KCND2: variants seen among roughly 807,000 people sequenced by gnomAD.
The protein encoded by KCND2 is potassium voltage-gated channel subfamily D member 2, also known as A-type voltage-gated potassium channel KCND2.
A neutral mutation model predicts 54.4 loss-of-function variants in KCND2; 16 were observed. The ratio of observed to expected loss-of-function variants is 0.29; its 90% CI spans 0.20 to 0.45. The LOEUF is 0.45. KCND2 is among the 20% of genes least tolerant of loss of function. KCND2 has a pLI of 1.00. For synonymous variants in KCND2, 317 were observed against 310.7 expected, an observed-to-expected ratio of 1.02 and a Z score of -0.21; for missense variants, 486 against 824.2, an observed-to-expected ratio of 0.59 and a Z score of 5.02.
intron 1 of KCND2, among the ~76,000 whole-genome samples, chr7:120,355,208 C>T (rs1421269149): frequency 6.6e-6 from 1 of 152,106 alleles, no homozygotes. Flanking sequence ...ATTGTAATTA[C>T]CCAGCCAGTG....
chr7:120,545,659 C>G (rs573686458), intron 1 of KCND2, among the ~76,000 whole-genome samples: 5 of 151,634 alleles, frequency 3.3e-5, no homozygotes, highest in Non-Finnish European at 7.4e-5. Context: ...CTGTGTATCT[C>G]TTGTTGCAGA....
At position 120,719,035 on chromosome 7, in the gene KCND2, A is replaced by G. The variant is rs188801700; in HGVS notation, c.1116-13868A>G. On this transcript the variant is annotated intron_variant, in intron 1 of 5. Coordinates refer to ENST00000331113, the MANE Select transcript of KCND2 (RefSeq NM_012281.3). The stretch of plus-strand genomic sequence containing the variant: ...GTGTTCAATTTGTGATCAGCATCAA[A>G]GTTTCCAACTCCCTATAGAAACTAG... 3.9e-4 allele frequency among the ~76,000 whole-genome samples: 59 copies of G among 152,288 alleles called. 1 individual carries two copies. The East Asian group carries it at 0.011, about 29-fold the overall frequency.
intron 1 of KCND2, among the ~76,000 whole-genome samples, chr7:120,700,679 CA>C (rs1792389557): frequency 1.3e-5 from 2 of 152,062 alleles, no homozygotes; most frequent in Admixed American, 6.6e-5. Flanking sequence ...ATGAAATAAA[CA>C]AATGTTGAAA....
chr7:120,721,229 A>G (rs1792661963), intron 1 of KCND2, among the ~76,000 whole-genome samples: 2 of 152,152 alleles, frequency 1.3e-5, no homozygotes, highest in Non-Finnish European at 2.9e-5. Flanking sequence ...GGGCATATTC[A>G]TACAGAATTC....
intron 1 of KCND2, among the ~76,000 whole-genome samples, chr7:120,331,687 TA>T (rs1800071172): frequency 2.0e-5 from 3 of 152,090 alleles, no homozygotes; most frequent in African/African-American, 7.2e-5. Context: ...AACTAATATC[TA>T]TACTTTTAAT....
chr7:120,503,211 T>C (rs1254599957), intron 1 of KCND2, among the ~76,000 whole-genome samples: 3 of 152,058 alleles, frequency 2.0e-5, no homozygotes, highest in Non-Finnish European at 4.4e-5. Flanking sequence ...GAAGTTCATA[T>C]GTTGGAAGCA....
chr7:120,477,681 C>T lies in KCND2; in HGVS notation c.1115+201934C>T, dbSNP rs369908462. Among the ~76,000 whole-genome samples the T allele has an allele frequency of 3.3e-5, 5 of 151,978 alleles. No individual in the cohort carries two copies. In the East Asian group the frequency reaches 5.8e-4, roughly 18 times the overall value. The stretch of plus-strand genomic sequence containing the variant: ...GGGGAAAGAGAACTATATAGAACTG[C>T]TTACACTCTAAGGCGGTTGGCTGGG... On this transcript the variant is annotated intron_variant, in intron 1 of 5. Transcript: ENST00000331113.
chr7:120,465,278 C>A (rs1472632993), intron 1 of KCND2, among the ~76,000 whole-genome samples: 2 of 152,008 alleles, frequency 1.3e-5, no homozygotes, highest in Non-Finnish European at 2.9e-5. Context: ...ATTTTCATTT[C>A]TATGTAGCGA....
chr7:120,391,623 A>G (rs970099245), intron 1 of KCND2, among the ~76,000 whole-genome samples: 2 of 152,096 alleles, frequency 1.3e-5, no homozygotes, highest in African/African-American at 2.4e-5. Context: ...CTGGTGTGAG[A>G]TGGTATCTCA....
chr7:120,469,280 T>C (rs927819724), intron 1 of KCND2, among the ~76,000 whole-genome samples: 17 of 152,150 alleles, frequency 1.1e-4, no homozygotes, highest in African/African-American at 3.9e-4. Context: ...CTGAATATAA[T>C]TTTATAAAGA....
chr7:120,369,896 T>C (rs1800742367), intron 1 of KCND2, among the ~76,000 whole-genome samples: 1 of 152,016 alleles, frequency 6.6e-6, no homozygotes, highest in Non-Finnish European at 1.5e-5. Flanking sequence ...AAGATAATCA[T>C]GAACTTATAC....
intron 1 of KCND2, among the ~76,000 whole-genome samples, chr7:120,582,675 T>A (rs1792532325): frequency 6.6e-6 from 1 of 152,138 alleles, no homozygotes; most frequent in South Asian, 2.1e-4. Context: ...AGCAAATCTT[T>A]AAACAATTAT....
chr7:120,697,110 A>G (rs1005550638), intron 1 of KCND2, among the ~76,000 whole-genome samples: 2 of 152,148 alleles, frequency 1.3e-5, no homozygotes, highest in Non-Finnish European at 2.9e-5. Flanking sequence ...GAGGGGATCA[A>G]TCTTCCCTAA....
At chr7:120,639,854 A>T (rs1020863271) in intron 1 of KCND2, among the ~76,000 whole-genome samples, 1 of 152,104 alleles carries the variant, frequency 6.6e-6, no homozygotes, top group South Asian at 2.1e-4. Context: ...CCGTGGGTAG[A>T]ATTTGTACCA....
chr7:120,364,777 C>G lies in KCND2; in HGVS notation c.1115+89030C>G, dbSNP rs1800643237. Among the ~76,000 whole-genome samples, 3 of 152,004 alleles carry G rather than the reference C, an allele frequency of 2.0e-5. No homozygotes were observed. In the South Asian group the frequency reaches 6.2e-4, roughly 31 times the overall value. ...TGGGGAGTGGTAGAGGATGAGGAAC[C>G]TAATCAGACATCAAAGATGATCAGA... On this transcript the variant is annotated intron_variant, in intron 1 of 5. Coordinates refer to ENST00000331113, the MANE Select transcript of KCND2 (RefSeq NM_012281.3).
chr7:120,526,090 A>T (rs1351048949), intron 1 of KCND2, among the ~76,000 whole-genome samples: 2 of 152,064 alleles, frequency 1.3e-5, no homozygotes, highest in Non-Finnish European at 2.9e-5. Flanking sequence ...TTTTATCTTG[A>T]CCCAATGCCC....
At chr7:120,577,120 C>T (rs1792444930) in intron 1 of KCND2, among the ~76,000 whole-genome samples, 1 of 151,844 alleles carries the variant, frequency 6.6e-6, no homozygotes, top group Admixed American at 6.6e-5. Context: ...GCACTCCAGC[C>T]TGGACAACAG....
intron 1 of KCND2, among the ~76,000 whole-genome samples, chr7:120,304,841 A>G (rs1799628449): frequency 6.6e-6 from 1 of 152,118 alleles, no homozygotes; most frequent in African/African-American, 2.4e-5. Flanking sequence ...GGTGATTCCT[A>G]AGAGAGCCTG....
intron 1 of KCND2, among the ~76,000 whole-genome samples, chr7:120,458,103 T>A (rs1457752924): frequency 6.6e-6 from 1 of 152,176 alleles, no homozygotes; most frequent in African/African-American, 2.4e-5. Context: ...ACAATTGAGA[T>A]GTTTGGTAAA....
Sources: allele counts gnomAD v4.1 joint callset (sites outside exome capture counted in the v4.1 genomes callset), GRCh38; gene constraint gnomAD v4.1.1; transcripts MANE v1.5; gene names NCBI Gene and HGNC (gene_info 2026-07-23, HGNC 2026-07-21).